The following CLEC19A variants were observed in gnomAD, a reference collection of about 807,000 sequenced individuals.
The protein encoded by CLEC19A is C-type lectin domain containing 19A, also known as C-type lectin domain family 19 member A.
A neutral mutation model predicts 26.1 loss-of-function variants in CLEC19A; 21 were observed. The ratio of observed to expected loss-of-function variants is 0.80; its 90% confidence interval spans 0.57 to 1.16. The LOEUF (loss-of-function observed/expected upper bound fraction) is 1.16, where lower values mean the gene tolerates loss of function less well. Among genes scored for constraint, CLEC19A ranks in the 50% most tolerant of loss-of-function variants. The pLI is 0.00. For missense variants in CLEC19A, 224 were observed against 227.6 expected (o/e 0.98, Z 0.10); for synonymous variants, 89 against 88.6 (o/e 1.00, Z -0.03).
intron 4 of CLEC19A, among the ~76,000 whole-genome samples, chr16:19,308,487 A>G (rs1698294067): frequency 6.6e-6 from 1 of 152,238 alleles, no homozygotes; most frequent in Non-Finnish European, 1.5e-5. Context: ...AGCAATCACC[A>G]GCATCATCAT....
In CLEC19A at chr16:19,290,188, C is replaced by T. The variant is rs141531423; in HGVS notation, c.88+4249C>T. On this transcript the variant is annotated intron_variant, in intron 1 of 4. Transcript: ENST00000636231. ...ATGTGTTTTCTTTTCCTAACAAGCT[C>T]AGAACTCCCAAAGGCTTTGACCCCC... Among the ~76,000 whole-genome samples, 286 of 152,228 alleles carry T rather than the reference C, an allele frequency of 1.9e-3. 1 individual carries two copies. Among genetic ancestry groups the T allele is most frequent in the African/African-American group, 5.5e-3 (229 of 41,550 alleles).
At position 19,308,890 on chromosome 16, in the gene CLEC19A, C is replaced by G. The variant is rs1898009892; in HGVS notation, c.482-114C>G. ...GTCAAGTATCAGCAAGAAAGGGCTG[C>G]CAGCATAGACACAAGGCCTATTGGA... On this transcript the variant is annotated intron_variant, in intron 4 of 4. Transcript: ENST00000636231. 4.0e-6 allele frequency: 3 copies of G among 751,464 alleles called. No homozygotes were observed. The South Asian group carries it at 5.1e-5, about 13-fold the overall frequency. 46.5% of individuals were successfully genotyped at this position (751,464 alleles called of 1,614,324 possible). A position where few individuals can be genotyped will look rare whatever the true frequency, so the allele number is the denominator to read the frequency against.
chr16:19,301,555 C>A (rs539819684), intron 2 of CLEC19A, among the ~76,000 whole-genome samples: 1 of 152,046 alleles, frequency 6.6e-6, no homozygotes, highest in Admixed American at 6.6e-5. Flanking sequence ...TAGCAATAAT[C>A]ACACTGATCT....
At chr16:19,299,259 G>A (rs976649369) in intron 2 of CLEC19A, among the ~76,000 whole-genome samples, 1 of 152,204 alleles carries the variant, frequency 6.6e-6, no homozygotes, top group African/African-American at 2.4e-5. Context: ...AGAATATGAT[G>A]TAAAGAATAT....
chr16:19,295,066 A>AAATGTCTCCAGACATTGTCC (rs1325244729), intron 1 of CLEC19A, among the ~76,000 whole-genome samples: 17 of 152,026 alleles, frequency 1.1e-4, no homozygotes, highest in African/African-American at 2.4e-5. Context: ...TGATAACCAA[A>AAATGTCTCCAGACATTGTCC]AATGTCTCCA....
At chr16:19,303,290 C>T (rs1454357080) in intron 2 of CLEC19A, among the ~76,000 whole-genome samples, 2 of 152,194 alleles carry the variant, frequency 1.3e-5, no homozygotes, top group Non-Finnish European at 2.9e-5. Context: ...TGTATTCATT[C>T]ATCCACCCAT....
At position 19,298,653 on chromosome 16, in the gene CLEC19A, T is replaced by C; in HGVS notation, c.89-20T>C. The C allele has an allele frequency of 6.5e-7, 1 of 1,550,332 alleles. No individual in the cohort carries two copies. The highest frequency in any genetic ancestry group is 8.7e-7 in the Non-Finnish European group (1 of 1,146,858). ...AGCACTGCCAACCTTCCTCCCAGTC[T>C]GTTTCCTTTCTGCCCCCAGCCCTGC... On this transcript the variant is annotated intron_variant, in intron 1 of 4. Transcript: ENST00000636231.
In CLEC19A at chr16:19,309,390, T is replaced by C. The variant is rs1287267967; in HGVS notation, c.*307T>C. 3.9e-6 allele frequency: 1 copy of C among 255,332 alleles called. No individual in the cohort carries two copies. The highest frequency in any genetic ancestry group is 5.3e-5 in the Admixed American group (1 of 18,780). The allele number at this position is 255,332 out of a possible 1,614,324, so 15.8% of individuals were successfully genotyped here. A position where few individuals can be genotyped will look rare whatever the true frequency, so the allele number is the denominator to read the frequency against. ...CTGGCTCGGGTCACGTGCCCATCCC[T>C]GAAGCAATCACTTTGGCATATGCTA... On this transcript the variant is annotated 3_prime_UTR_variant, in exon 5 of 5. Coordinates refer to ENST00000636231, the MANE Select transcript of CLEC19A (RefSeq NM_001256720.2).
intron 1 of CLEC19A, among the ~76,000 whole-genome samples, chr16:19,290,106 G>A (rs1897551907): frequency 1.3e-5 from 2 of 152,008 alleles, no homozygotes; most frequent in African/African-American, 2.4e-5. Flanking sequence ...CAGTAGGAAG[G>A]TGACAATTTA....
At chr16:19,297,461 A>C (rs1897729863) in intron 1 of CLEC19A, among the ~76,000 whole-genome samples, 1 of 152,236 alleles carries the variant, frequency 6.6e-6, no homozygotes, top group Non-Finnish European at 1.5e-5. Flanking sequence ...AGCAAATTGT[A>C]TTAAAGCCTT....
intron 2 of CLEC19A, among the ~76,000 whole-genome samples, chr16:19,301,740 T>TG: frequency 3.2e-5 from 3 of 94,832 alleles, no homozygotes; most frequent in Non-Finnish European, 5.6e-5. Context: ...TTTTTGGTTT[T>TG]TTTTTTTTTT....
chr16:19,305,918 G>A (rs1002585376), intron 3 of CLEC19A, among the ~76,000 whole-genome samples: 5 of 151,438 alleles, frequency 3.3e-5, no homozygotes, highest in East Asian at 2.0e-4. Flanking sequence ...ATCTTGGCTC[G>A]CTGCAACCTC....
chr16:19,308,943 G>C, intron 4 of CLEC19A, 61 bp from the exon 5 acceptor site: 1 of 1,340,720 alleles, frequency 7.5e-7, no homozygotes, highest in Non-Finnish European at 1.0e-6. Flanking sequence ...AGGAGTGGTG[G>C]GGTTACTTTT....
chr16:19,290,313 G>A (rs572547121), intron 1 of CLEC19A, among the ~76,000 whole-genome samples: 13 of 151,898 alleles, frequency 8.6e-5, no homozygotes, highest in African/African-American at 3.1e-4. Context: ...GCCCCTTTGT[G>A]CATCCCCTCC....
chr16:19,308,709 G>A (rs971113827), intron 4 of CLEC19A, among the ~76,000 whole-genome samples: 2 of 152,110 alleles, frequency 1.3e-5, no homozygotes, highest in East Asian at 1.9e-4. Context: ...TTCCTAATTA[G>A]GGGAGGGAGG....
chr16:19,307,433 C>A, intron 3 of CLEC19A, 112 bp from the exon 4 acceptor site: 1 of 1,186,220 alleles, frequency 8.4e-7, no homozygotes, highest in African/African-American at 1.5e-5. Flanking sequence ...GACATCTGTG[C>A]AGAGGTGTTA....
At chr16:19,288,663 A>G (rs78095352) in intron 1 of CLEC19A, among the ~76,000 whole-genome samples, 3,027 of 152,228 alleles carry the variant, frequency 0.02, 130 homozygotes, top group South Asian at 0.16. Context: ...CTTTGATCTC[A>G]TTGTTTAAGT....
At position 19,294,822 on chromosome 16, in the gene CLEC19A, G is replaced by C. The variant is rs79163304; in HGVS notation, c.89-3851G>C. Among the ~76,000 whole-genome samples, 840 of 152,266 alleles carry C rather than the reference G, an allele frequency of 5.5e-3. 2 individuals are homozygous for C. The highest frequency in any genetic ancestry group is 0.01 in the Middle Eastern group (3 of 294). On this transcript the variant is annotated intron_variant, in intron 1 of 4. Coordinates refer to ENST00000636231, the MANE Select transcript of CLEC19A (RefSeq NM_001256720.2). ...TCTTAATTTTTGTTCAAGAAAATAG[G>C]AACAGGCTAAGAAATGTGAATGTTT...
intron 2 of CLEC19A, among the ~76,000 whole-genome samples, chr16:19,299,064 C>T (rs542771475): frequency 6.6e-6 from 1 of 152,296 alleles, no homozygotes; most frequent in African/African-American, 2.4e-5. Context: ...AAGCCAAGTG[C>T]CTGGCCAATT....
Sources: allele counts gnomAD v4.1 joint callset (sites outside exome capture counted in the v4.1 genomes callset), GRCh38; gene constraint gnomAD v4.1.1; transcripts MANE v1.5; gene names NCBI Gene and HGNC (gene_info 2026-07-23, HGNC 2026-07-21).